WWOX: variants seen among roughly 807,000 people sequenced by gnomAD.
WWOX encodes WW domain-containing oxidoreductase.
In WWOX, 69 loss-of-function variants were observed where a neutral mutation model predicts 46.2. The observed-to-expected ratio is 1.49, with a 90% CI of 1.23 to 1.82. The LOEUF (loss-of-function observed/expected upper bound fraction) is 1.82. WWOX is among the 40% of genes most tolerant of loss of function. The pLI is 0.00. For missense variants in WWOX, 919 were observed against 542.6 expected (o/e 1.69, Z -6.89); for synonymous variants, 359 against 202.6 (o/e 1.77, Z -6.56).
intron 8 of WWOX, among the ~76,000 whole-genome samples, chr16:78,650,815 G>A (rs369264089): frequency 7.2e-5 from 11 of 152,152 alleles, no homozygotes; most frequent in African/African-American, 2.4e-4. Context: ...AGGTTCCACT[G>A]TGGATTTTTG....
intron 8 of WWOX, among the ~76,000 whole-genome samples, chr16:79,165,836 C>T (rs558940901): frequency 6.6e-6 from 1 of 152,152 alleles, no homozygotes; most frequent in Non-Finnish European, 1.5e-5. Flanking sequence ...ACTCGGTCGC[C>T]GAACCGGGAA....
chr16:78,157,883 A>C (rs1193890714), intron 4 of WWOX, among the ~76,000 whole-genome samples: 1 of 152,240 alleles, frequency 6.6e-6, no homozygotes, highest in South Asian at 2.1e-4. Flanking sequence ...TAAGAGGCAT[A>C]GGACACCAAG....
intron 8 of WWOX, among the ~76,000 whole-genome samples, chr16:78,938,988 T>C (rs1390100858): frequency 6.6e-6 from 1 of 152,130 alleles, no homozygotes; most frequent in Non-Finnish European, 1.5e-5. Context: ...ATGGTTTAGA[T>C]TGAAATCTGA....
rs1272815766 is a variant in WWOX, at chr16:78,870,833, C to G, written c.1057-340775C>G. Among the ~76,000 whole-genome samples, 4 of 152,294 alleles carry G rather than the reference C, an allele frequency of 2.6e-5. No individual in the cohort carries two copies. The East Asian group carries it at 5.8e-4, about 22-fold the overall frequency. ...CCCAGGGTTGTCTCGAACTCCTGAG[C>G]TTAGGCAGTCTGCCCACCTCAGCTT... On this transcript the variant is annotated intron_variant, in intron 8 of 8. Coordinates refer to ENST00000566780, the MANE Select transcript of WWOX (RefSeq NM_016373.4).
rs549953477 is a variant in WWOX, at chr16:78,321,303, C to T, written c.517-65557C>T. Among the ~76,000 whole-genome samples the T allele has an allele frequency of 3.4e-3, 249 of 73,496 alleles. 1 individual carries two copies. Among genetic ancestry groups the T allele is most frequent in the Non-Finnish European group, 5.7e-3 (183 of 32,310 alleles). The allele number at this position is 73,496 out of a possible 152,430, so 48.2% of individuals were successfully genotyped here. A position where few individuals can be genotyped will look rare whatever the true frequency, so the allele number is the denominator to read the frequency against. The stretch of plus-strand genomic sequence containing the variant: ...ATATATATATATACGTATATATATA[C>T]GTATATATATGCGTATATATATACG... On this transcript the variant is annotated intron_variant, in intron 5 of 8. Transcript: ENST00000566780.
rs75996667 is a variant in WWOX at position 79,025,166 on chromosome 16, G to A, written c.1057-186442G>A. Among the ~76,000 whole-genome samples the A allele has an allele frequency of 3.3e-3, 502 of 152,190 alleles. 2 individuals carry two copies. The highest frequency in any genetic ancestry group is 0.012 in the African/African-American group (483 of 41,516). On this transcript the variant is annotated intron_variant, in intron 8 of 8. Coordinates refer to ENST00000566780, the MANE Select transcript of WWOX (RefSeq NM_016373.4). ...TTTGCTTGTTGAGCAAGGGAATGCG[G>A]TTCCCCTGTGTCGGACTTGTTTCAG...
intron 5 of WWOX, among the ~76,000 whole-genome samples, chr16:78,334,992 A>G (rs2080854596): frequency 6.6e-6 from 1 of 151,832 alleles, no homozygotes; most frequent in Non-Finnish European, 1.5e-5. Context: ...GACAGAGACC[A>G]GAGGTTCCCC....
At chr16:78,795,010 G>A (rs2050700448) in intron 8 of WWOX, among the ~76,000 whole-genome samples, 1 of 152,198 alleles carries the variant, frequency 6.6e-6, no homozygotes, top group Admixed American at 6.5e-5. Context: ...GGGAGTTGGA[G>A]GCTTAACACT....
In WWOX at chr16:79,136,480, C is replaced by T. The variant is rs577330731; in HGVS notation, c.1057-75128C>T. Among the ~76,000 whole-genome samples, 9 of 152,254 alleles carry T rather than the reference C, an allele frequency of 5.9e-5. No individual in the cohort carries two copies. The East Asian group carries it at 1.7e-3, about 29-fold the overall frequency. ...TCCTGACCTCATGATCCACCCGCCTCGGCCTCCCAAAGTGCTGGGATTACA... is the reference window on the plus strand; with the variant it reads ...TCCTGACCTCATGATCCACCCGCCTTGGCCTCCCAAAGTGCTGGGATTACA... On this transcript the variant is annotated intron_variant, in intron 8 of 8. Transcript: ENST00000566780.
intron 4 of WWOX, among the ~76,000 whole-genome samples, chr16:78,135,914 G>A (rs73564565): frequency 0.012 from 1,789 of 152,206 alleles, 41 homozygotes; most frequent in African/African-American, 0.041. Context: ...TGCAAATGTG[G>A]GTGGGTGATT....
chr16:78,888,718 C>T (rs576346417), intron 8 of WWOX, among the ~76,000 whole-genome samples: 1 of 152,324 alleles, frequency 6.6e-6, no homozygotes, highest in African/African-American at 2.4e-5. Context: ...TCTCTAGACA[C>T]AGACTAGACA....
At chr16:78,409,571 C>T (rs1567555334) in intron 6 of WWOX, among the ~76,000 whole-genome samples, 1 of 152,200 alleles carries the variant, frequency 6.6e-6, no homozygotes, top group Non-Finnish European at 1.5e-5. Flanking sequence ...AAACAGCAAA[C>T]ATACACTATC....
At chr16:78,192,198 A>T (rs2035902990) in intron 5 of WWOX, among the ~76,000 whole-genome samples, 1 of 152,162 alleles carries the variant, frequency 6.6e-6, no homozygotes, top group Non-Finnish European at 1.5e-5. Flanking sequence ...TGAAATTATT[A>T]AAAAAGAAAA....
intron 8 of WWOX, among the ~76,000 whole-genome samples, chr16:78,743,577 AC>A (rs1567530662): frequency 6.6e-6 from 1 of 152,144 alleles, no homozygotes; most frequent in African/African-American, 2.4e-5. Context: ...ACTTTCCACA[AC>A]TAAGTTATAA....
At chr16:79,160,614 T>C (rs1188690275) in intron 8 of WWOX, among the ~76,000 whole-genome samples, 1 of 152,172 alleles carries the variant, frequency 6.6e-6, no homozygotes, top group East Asian at 1.9e-4. Flanking sequence ...TCATTTATTC[T>C]TTTTTTGAAG....
chr16:78,913,859 C>G (rs1349555658), intron 8 of WWOX, among the ~76,000 whole-genome samples: 2 of 151,912 alleles, frequency 1.3e-5, no homozygotes, highest in Non-Finnish European at 2.9e-5. Context: ...CGGGGTCTTG[C>G]TATGTTGTCC....
chr16:78,509,451 AT>A (rs1320057272), intron 8 of WWOX, among the ~76,000 whole-genome samples: 27 of 146,852 alleles, frequency 1.8e-4, no homozygotes, highest in South Asian at 1.1e-3. Flanking sequence ...AAAAAAAAAA[AT>A]AATATAATAA....
At chr16:78,233,319 G>A (rs201368820) in intron 5 of WWOX, among the ~76,000 whole-genome samples, 1 of 53,950 alleles carries the variant, frequency 1.9e-5, no homozygotes, top group Non-Finnish European at 3.9e-5. Flanking sequence ...TTTTATTGTG[G>A]TAAAAACACT....
In WWOX at chr16:78,778,830, G is replaced by A. The variant is rs141005620; in HGVS notation, c.1056+346078G>A. 5.2e-3 allele frequency among the ~76,000 whole-genome samples: 798 copies of A among 152,278 alleles called. 5 individuals carry two copies. Among genetic ancestry groups the A allele is most frequent in the South Asian group, 0.012 (57 of 4,822 alleles). On this transcript the variant is annotated intron_variant, in intron 8 of 8. Transcript: ENST00000566780. Reference sequence around the variant, plus strand: ...GAAAGGGAACTGTGTTCGCCAGCTCGTAAAGCCCCGGCGTCTCCTCCTAGA... The same window carrying A: ...GAAAGGGAACTGTGTTCGCCAGCTCATAAAGCCCCGGCGTCTCCTCCTAGA...
Sources: allele counts gnomAD v4.1 joint callset (sites outside exome capture counted in the v4.1 genomes callset), GRCh38; gene constraint gnomAD v4.1.1; transcripts MANE v1.5; gene names NCBI Gene and HGNC (gene_info 2026-07-23, HGNC 2026-07-21).